The following APP variants were observed in gnomAD, a reference collection of about 807,000 sequenced individuals.
The protein encoded by APP is amyloid-beta precursor protein.
Under a neutral mutation model 101.4 loss-of-function variants are expected in APP, and 31 were observed. That is an observed-to-expected ratio of 0.31 (90% CI 0.23 to 0.41). APP has a LOEUF of 0.41. APP is among the 10% of genes least tolerant of loss of function. The pLI is 1.00. For synonymous variants in APP, 366 were observed against 364.4 expected (o/e 1.00, Z -0.05); for missense variants, 839 against 1,003.7 (o/e 0.84, Z 2.22).
At chr21:25,914,712 C>G (rs1003083464) in intron 13 of APP, among the ~76,000 whole-genome samples, 1 of 152,072 alleles carries the variant, frequency 6.6e-6, no homozygotes, top group African/African-American at 2.4e-5. Flanking sequence ...CGCCACCACG[C>G]CCGGCTAATT....
intron 13 of APP, among the ~76,000 whole-genome samples, chr21:25,920,164 G>A (rs2146349424): frequency 6.7e-6 from 1 of 150,348 alleles, no homozygotes; most frequent in Admixed American, 6.6e-5. Flanking sequence ...ATACTTTACA[G>A]ACAAGCAAAT....
At chr21:26,056,208 T>C (rs2046034379) in intron 3 of APP, among the ~76,000 whole-genome samples, 1 of 152,062 alleles carries the variant, frequency 6.6e-6, no homozygotes, top group Non-Finnish European at 1.5e-5. Flanking sequence ...CAGCTAATTA[T>C]TTCACTTTTT....
At chr21:26,144,562 T>A (rs898853164) in intron 1 of APP, among the ~76,000 whole-genome samples, 4 of 152,148 alleles carry the variant, frequency 2.6e-5, no homozygotes, top group South Asian at 4.1e-4. Flanking sequence ...CTACACTCAA[T>A]CTTAAATTTA....
At chr21:25,985,678 C>A (rs1365785920) in intron 8 of APP, among the ~76,000 whole-genome samples, 1 of 152,142 alleles carries the variant, frequency 6.6e-6, no homozygotes, top group Non-Finnish European at 1.5e-5. Flanking sequence ...TCTTCCTATA[C>A]ATATATATCC....
At chr21:25,901,761 T>C (rs1460978570) in intron 15 of APP, among the ~76,000 whole-genome samples, 1 of 152,140 alleles carries the variant, frequency 6.6e-6, no homozygotes, top group Non-Finnish European at 1.5e-5. Context: ...TAAGTCATGA[T>C]GAGTGGACAG....
At chr21:25,986,374 C>T (rs2042637112) in intron 8 of APP, among the ~76,000 whole-genome samples, 1 of 152,172 alleles carries the variant, frequency 6.6e-6, no homozygotes, top group Non-Finnish European at 1.5e-5. Flanking sequence ...GTTTATCCTG[C>T]TCACAGACCT....
At chr21:26,026,808 T>A (rs891846636) in intron 5 of APP, among the ~76,000 whole-genome samples, 6 of 152,118 alleles carry the variant, frequency 3.9e-5, no homozygotes, top group African/African-American at 1.4e-4. Flanking sequence ...ACTCACAGAA[T>A]AAACAATGCT....
rs45476503 is a variant in APP, at chr21:26,105,006, A to G, written c.225+6973T>C. Reference sequence around the variant, plus strand: ...AATTCATCCACCACTATTGGGAGAAAAAAAAAATCATTAAATGAGTAGCTC... The same window carrying G: ...AATTCATCCACCACTATTGGGAGAAGAAAAAAATCATTAAATGAGTAGCTC... On this transcript the variant is annotated intron_variant, in intron 2 of 17. Coordinates refer to ENST00000346798, the MANE Select transcript of APP (RefSeq NM_000484.4). 2.7e-3 allele frequency among the ~76,000 whole-genome samples: 403 copies of G among 151,978 alleles called. 1 individual carries two copies. Among genetic ancestry groups the G allele is most frequent in the African/African-American group, 9.2e-3 (382 of 41,392 alleles).
intron 14 of APP, among the ~76,000 whole-genome samples, chr21:25,905,387 TTAGAGA>T (rs1365657805): frequency 6.6e-6 from 1 of 152,136 alleles, no homozygotes; most frequent in Non-Finnish European, 1.5e-5. Context: ...CTGAGCTAGT[TTAGAGA>T]TAGTTTCTTG....
chr21:26,085,592 TTTGGTG>T (rs1271548410), intron 3 of APP, among the ~76,000 whole-genome samples: 2 of 152,158 alleles, frequency 1.3e-5, no homozygotes, highest in East Asian at 3.9e-4. Flanking sequence ...ATCTTTAAAG[TTTGGTG>T]AACTCTCATG....
intron 6 of APP, among the ~76,000 whole-genome samples, chr21:26,001,007 C>G (rs1375742414): frequency 6.6e-6 from 1 of 151,780 alleles, no homozygotes; most frequent in Non-Finnish European, 1.5e-5. Context: ...ACAACTATAA[C>G]AATGTATTAT....
rs1202316583 is a variant in APP at position 26,086,851 on chromosome 21, T to C, written c.355+3092A>G. 2.6e-5 allele frequency among the ~76,000 whole-genome samples: 4 copies of C among 152,300 alleles called. No homozygotes were observed. In the South Asian group the frequency reaches 8.3e-4, roughly 32 times the overall value. Reference sequence around the variant, plus strand: ...TTAAAACAAATTTTTGTGTATACTGTAAAAAACACTGGACCAATAATCAAG... The same window carrying C: ...TTAAAACAAATTTTTGTGTATACTGCAAAAAACACTGGACCAATAATCAAG... On this transcript the variant is annotated intron_variant, in intron 3 of 17. Coordinates refer to ENST00000346798, the MANE Select transcript of APP (RefSeq NM_000484.4).
chr21:26,135,453 G>C (rs890146752), intron 1 of APP, among the ~76,000 whole-genome samples: 2 of 152,162 alleles, frequency 1.3e-5, no homozygotes, highest in Non-Finnish European at 2.9e-5. Context: ...ACAAAATACA[G>C]AAGTTTTCTC....
chr21:25,892,721 T>C (rs2037775844), intron 16 of APP, among the ~76,000 whole-genome samples: 1 of 152,232 alleles, frequency 6.6e-6, no homozygotes. Flanking sequence ...TTTACTGCAC[T>C]ACATTGCTTC....
At chr21:26,150,626 T>TAGATAGATAGATAGACAGAC (rs370206066) in intron 1 of APP, among the ~76,000 whole-genome samples, 3,099 of 149,796 alleles carry the variant, frequency 0.021, 58 homozygotes, top group Non-Finnish European at 0.029. Context: ...GACAGATAGA[T>TAGATAGATAGATAGACAGAC]AGACAGACAG....
intron 1 of APP, among the ~76,000 whole-genome samples, chr21:26,121,483 G>A (rs1400426771): frequency 2.0e-5 from 3 of 151,986 alleles, no homozygotes; most frequent in Admixed American, 6.6e-5. Flanking sequence ...CACTTCCCTG[G>A]TTCAAGCGAT....
chr21:26,104,697 C>G (rs1251802568), intron 2 of APP, among the ~76,000 whole-genome samples: 1 of 152,104 alleles, frequency 6.6e-6, no homozygotes, highest in Non-Finnish European at 1.5e-5. Context: ...AAGCATGAGA[C>G]TATGAAAGGA....
chr21:25,893,630 A>G (rs12483107), intron 16 of APP, among the ~76,000 whole-genome samples: 5,374 of 152,342 alleles, frequency 0.035, 232 homozygotes, highest in East Asian at 0.16. Flanking sequence ...ACTGTCTTCA[A>G]TTCTATGAAG....
At chr21:26,045,058 C>T (rs554167531) in intron 5 of APP, among the ~76,000 whole-genome samples, 1 of 152,024 alleles carries the variant, frequency 6.6e-6, no homozygotes, top group Admixed American at 6.5e-5. Flanking sequence ...GGACAAATGC[C>T]CAAGGCAGGA....
Sources: allele counts gnomAD v4.1 joint callset (sites outside exome capture counted in the v4.1 genomes callset), GRCh38; gene constraint gnomAD v4.1.1; transcripts MANE v1.5; gene names NCBI Gene and HGNC (gene_info 2026-07-23, HGNC 2026-07-21).